Variants in SCN8A observed in about 807,000 individuals in gnomAD.
SCN8A encodes sodium channel protein type 8 subunit alpha.
SCN8A carries 30 observed loss-of-function variants against 184.1 expected under a neutral mutation model. The ratio of observed to expected loss-of-function variants is 0.16; its 90% CI spans 0.12 to 0.22. The LOEUF (loss-of-function observed/expected upper bound fraction) is 0.22. SCN8A is among the 10% of genes least tolerant of loss of function. The pLI, the probability that SCN8A is intolerant of heterozygous loss-of-function variation, is 1.00. For missense variants in SCN8A, 1,057 were observed against 2,498.9 expected, an observed-to-expected ratio of 0.42 and a Z score of 12.30; for synonymous variants, 852 against 907.0, an observed-to-expected ratio of 0.94 and a Z score of 1.09.
In SCN8A at chr12:51,809,598, C is replaced by T. The variant is rs1319365217; in HGVS notation, c.*2169C>T. 1 of 152,218 alleles carries T rather than the reference C, an allele frequency of 6.6e-6. No individual in the cohort carries two copies. Among genetic ancestry groups the T allele is most frequent in the African/African-American group, 2.4e-5 (1 of 41,440 alleles). 9.4% of individuals were successfully genotyped at this position (152,218 alleles called of 1,614,324 possible). On this transcript the variant is annotated 3_prime_UTR_variant, in exon 27 of 27. Transcript: ENST00000627620. ...GCCTATCTTTCAGTGACCCTGCTAA[C>T]TGCTAGGATGAATGTATAGTAACAT...
chr12:51,696,714 GTAACCT>G (rs1453311465), intron 6 of SCN8A, among the ~76,000 whole-genome samples: 1 of 152,098 alleles, frequency 6.6e-6, no homozygotes, highest in African/African-American at 2.4e-5. Context: ...ACTATGAGAA[GTAACCT>G]TAAATTTGAT....
At chr12:51,644,392 C>A (rs1411809775) in intron 1 of SCN8A, among the ~76,000 whole-genome samples, 1 of 152,152 alleles carries the variant, frequency 6.6e-6, no homozygotes, top group Non-Finnish European at 1.5e-5. Flanking sequence ...ACAATAACTA[C>A]CTCAGAGGGT....
chr12:51,805,615 G>T (rs892349586), intron 26 of SCN8A, among the ~76,000 whole-genome samples: 1 of 151,866 alleles, frequency 6.6e-6, no homozygotes, highest in African/African-American at 2.4e-5. Flanking sequence ...TAAAATGCTA[G>T]CCTCTATTAA....
At chr12:51,748,268 A>G (rs1942544525) in intron 13 of SCN8A, among the ~76,000 whole-genome samples, 1 of 152,202 alleles carries the variant, frequency 6.6e-6, no homozygotes, top group African/African-American at 2.4e-5. Context: ...CCAAAGATTA[A>G]AATAATTATT....
At chr12:51,670,774 A>G (rs558625822) in intron 2 of SCN8A, among the ~76,000 whole-genome samples, 3 of 152,320 alleles carry the variant, frequency 2.0e-5, no homozygotes, top group South Asian at 4.2e-4. Context: ...GATGAATTCA[A>G]TATGATTTAT....
intron 1 of SCN8A, among the ~76,000 whole-genome samples, chr12:51,592,536 C>T (rs1939251091): frequency 6.6e-6 from 1 of 151,720 alleles, no homozygotes; most frequent in African/African-American, 2.4e-5. Context: ...TCTGCATCAG[C>T]GTTCATAATA....
chr12:51,780,216 G>A (rs1472259329), intron 20 of SCN8A: 3 of 456,212 alleles, frequency 6.6e-6, no homozygotes, highest in Non-Finnish European at 1.3e-5. Context: ...CATTAAATTT[G>A]TCTGGCTTAA....
At chr12:51,791,737 G>C (rs562394732) in intron 25 of SCN8A, among the ~76,000 whole-genome samples, 3 of 152,056 alleles carry the variant, frequency 2.0e-5, no homozygotes, top group Admixed American at 6.6e-5. Context: ...AAAGTAGCTG[G>C]GCGTGGTTAT....
rs139365424 is a variant in SCN8A, at chr12:51,799,465, G to C, written c.4795+4824G>C. 7.6e-3 allele frequency among the ~76,000 whole-genome samples: 1,164 copies of C among 152,306 alleles called. 11 individuals are homozygous for C. The highest frequency in any genetic ancestry group is 0.024 in the African/African-American group (1,004 of 41,558). On this transcript the variant is annotated intron_variant, in intron 26 of 26. Transcript: ENST00000627620. Reference sequence around the variant, plus strand: ...AGAGCCGTCCCTCAAAAGGCGAGTAGTTATCTGCAGAAGATGGCAGGGCCT... The same window carrying C: ...AGAGCCGTCCCTCAAAAGGCGAGTACTTATCTGCAGAAGATGGCAGGGCCT...
At chr12:51,735,826 T>G (rs1942316587) in intron 12 of SCN8A, among the ~76,000 whole-genome samples, 1 of 152,198 alleles carries the variant, frequency 6.6e-6, no homozygotes, top group African/African-American at 2.4e-5. Flanking sequence ...GGTATCCAAA[T>G]CGGCTGTTGA....
At chr12:51,691,436 TTA>T (rs59060924) in intron 6 of SCN8A, among the ~76,000 whole-genome samples, 8 of 149,316 alleles carry the variant, frequency 5.4e-5, no homozygotes, top group African/African-American at 7.3e-5. Context: ...TATTTATCCT[TTA>T]TATATATATA....
At chr12:51,681,472 C>A (rs1424243172) in intron 2 of SCN8A, among the ~76,000 whole-genome samples, 1 of 152,164 alleles carries the variant, frequency 6.6e-6, no homozygotes, top group African/African-American at 2.4e-5. Flanking sequence ...TGTAGAAACA[C>A]AGAGAGGTAC....
chr12:51,748,557 G>GGTGA (rs889223578), intron 13 of SCN8A, among the ~76,000 whole-genome samples: 2 of 152,076 alleles, frequency 1.3e-5, no homozygotes, highest in Non-Finnish European at 2.9e-5. Context: ...GGGAGATCGT[G>GGTGA]GTGAAGTAAG....
rs1180792633 is a variant in SCN8A at position 51,807,700 on chromosome 12, AAACT to A, written c.*275_*278del. On this transcript the variant is annotated 3_prime_UTR_variant, in exon 27 of 27. Transcript: ENST00000627620. The surrounding 1 kb of genome is among the most constrained non-coding windows in gnomAD (Gnocchi z 4.5). ...ACATCAGTCAATGCAACTTAGGACA[AAACT>A]AACCAGATACAGAAACAGAAGAGAG... 2 of 471,668 alleles carry A rather than the reference AAACT, an allele frequency of 4.2e-6. No individual in the cohort carries two copies. The highest frequency in any genetic ancestry group is 7.5e-6 in the Non-Finnish European group (2 of 265,420). 29.2% of individuals were successfully genotyped at this position (471,668 alleles called of 1,614,324 possible). A position where few individuals can be genotyped will look rare whatever the true frequency, so the allele number is the denominator to read the frequency against.
At chr12:51,681,644 C>A (rs762583035) in intron 2 of SCN8A, among the ~76,000 whole-genome samples, 5 of 152,108 alleles carry the variant, frequency 3.3e-5, no homozygotes, top group Admixed American at 6.5e-5. Context: ...TGCAGCATAT[C>A]CCACCAGAAC....
At chr12:51,738,785 A>G (rs139781854) in intron 12 of SCN8A, among the ~76,000 whole-genome samples, 254 of 152,312 alleles carry the variant, frequency 1.7e-3, no homozygotes, top group African/African-American at 5.8e-3. Flanking sequence ...CCTAGAAGTA[A>G]TCCTATTGTC....
chr12:51,608,303 C>T (rs1232896053), intron 1 of SCN8A, among the ~76,000 whole-genome samples: 1 of 152,096 alleles, frequency 6.6e-6, no homozygotes, highest in African/African-American at 2.4e-5. Context: ...AGCCACCGCG[C>T]CTGGCCTGGT....
chr12:51,652,997 A>G (rs530314913), intron 1 of SCN8A, among the ~76,000 whole-genome samples: 7 of 152,306 alleles, frequency 4.6e-5, no homozygotes, highest in African/African-American at 1.7e-4. Context: ...TAAAATATCC[A>G]TAACATTTAC....
At chr12:51,647,994 A>C (rs1940628136) in intron 1 of SCN8A, among the ~76,000 whole-genome samples, 1 of 152,140 alleles carries the variant, frequency 6.6e-6, no homozygotes, top group African/African-American at 2.4e-5. Flanking sequence ...CTTGCTATTA[A>C]ATCTTTCCCT....
Sources: allele counts gnomAD v4.1 joint callset (sites outside exome capture counted in the v4.1 genomes callset), GRCh38; gene constraint gnomAD v4.1.1; non-coding constraint Gnocchi (gnomAD v3.1); transcripts MANE v1.5; gene names NCBI Gene and HGNC (gene_info 2026-07-23, HGNC 2026-07-21).